Variants in C10orf53 observed in about 807,000 individuals in gnomAD.
C10orf53 encodes the protein chromosome 10 open reading frame 53.
In C10orf53, 8 loss-of-function variants were observed where a neutral mutation model predicts 9.4. The observed-to-expected ratio is 0.85, with a 90% confidence interval of 0.50 to 1.53. The LOEUF is 1.53. Ranked by LOEUF, C10orf53 falls within the 40% of genes most tolerant of loss-of-function variation. The pLI is 0.00. For synonymous variants in C10orf53, 48 were observed against 46.0 expected (o/e 1.04, Z -0.18); for missense variants, 117 against 117.8 (o/e 0.99, Z 0.03).
rs1271051342 is a variant in C10orf53, at chr10:49,679,682, C to A, written c.-16C>A. Reference sequence around the variant, plus strand: ...GTGTGTTTCTCCCTTGCCTCTGCGGCGGCGGAGGCCTGGCGATGCCCAAGA... The same window carrying A: ...GTGTGTTTCTCCCTTGCCTCTGCGGAGGCGGAGGCCTGGCGATGCCCAAGA... On this transcript the variant is annotated 5_prime_UTR_variant, in exon 1 of 3. Transcript: ENST00000374111. 1.3e-6 allele frequency: 2 copies of A among 1,544,376 alleles called. No homozygotes were observed. Among genetic ancestry groups the A allele is most frequent in the Non-Finnish European group, 1.7e-6 (2 of 1,144,342 alleles).
chr10:49,681,943 T>C (rs1171364782), intron 1 of C10orf53, among the ~76,000 whole-genome samples: 1 of 152,204 alleles, frequency 6.6e-6, no homozygotes, highest in Non-Finnish European at 1.5e-5. Context: ...CAGTGTTGCA[T>C]GGTGATGTTT....
downstream of C10orf53, among the ~76,000 whole-genome samples, chr10:49,701,663 C>A: frequency 6.6e-6 from 1 of 152,194 alleles, no homozygotes; most frequent in East Asian, 1.9e-4. Context: ...CAAACTCTTG[C>A]TCAGCCTTCA....
chr10:49,682,302 G>C (rs138843449), intron 1 of C10orf53, among the ~76,000 whole-genome samples: 1 of 152,038 alleles, frequency 6.6e-6, no homozygotes, highest in Non-Finnish European at 1.5e-5. Flanking sequence ...TCATGGTCTC[G>C]CTGACTTCAA....
chr10:49,708,766 G>T, exon 3 of C10orf53: 1 of 1,120,244 alleles, frequency 8.9e-7, no homozygotes, highest in Non-Finnish European at 1.3e-6. Context: ...ATGTCCCACA[G>T]GCAACCTGTG....
chr10:49,703,852 T>G (rs1840704248), intron 2 of C10orf53, among the ~76,000 whole-genome samples: 1 of 152,234 alleles, frequency 6.6e-6, no homozygotes, highest in Non-Finnish European at 1.5e-5. Context: ...TTATAAAGTT[T>G]ATATTGAAAT....
chr10:49,684,353 T>A (rs893260422), intron 1 of C10orf53, among the ~76,000 whole-genome samples: 3 of 152,222 alleles, frequency 2.0e-5, no homozygotes, highest in Non-Finnish European at 4.4e-5. Flanking sequence ...CCCTTGCAGT[T>A]CCCTATGAAT....
In C10orf53 at chr10:49,696,347, G is replaced by A. The variant is rs1840634809; in HGVS notation, c.*1745G>A. Among the ~76,000 whole-genome samples the A allele has an allele frequency of 6.6e-6, 1 of 152,096 alleles. No individual in the cohort carries two copies. Among genetic ancestry groups the A allele is most frequent in the Non-Finnish European group, 1.5e-5 (1 of 68,030 alleles). On this transcript the variant is annotated 3_prime_UTR_variant, in exon 3 of 3. Coordinates refer to ENST00000374111, the MANE Select transcript of C10orf53 (RefSeq NM_001042427.3). ...CTTTCATGGCCAAAACTTTTTCAAT[G>A]CTGAGAACTGAAATTGCTAGCTTCC...
intron 1 of C10orf53, among the ~76,000 whole-genome samples, chr10:49,683,325 G>T (rs1840497476): frequency 6.6e-6 from 1 of 152,152 alleles, no homozygotes; most frequent in South Asian, 2.1e-4. Context: ...GTATGTCTAT[G>T]GAGAAATGTC....
At chr10:49,692,926 C>G (rs1153795) in intron 1 of C10orf53, among the ~76,000 whole-genome samples, 150,368 of 152,362 alleles carry the variant, frequency 0.99, 74,241 homozygotes, top group Middle Eastern at 1. Context: ...GATTATTATA[C>G]GCAATCTGGA....
downstream of C10orf53, among the ~76,000 whole-genome samples, chr10:49,699,927 G>T (rs573780500): frequency 3.6e-4 from 55 of 152,146 alleles, no homozygotes; most frequent in South Asian, 1.0e-3. Flanking sequence ...GAGGGGAAGA[G>T]CCTCCAGGCA....
At chr10:49,702,376 T>C (rs909172216), downstream of C10orf53, among the ~76,000 whole-genome samples, 3 of 152,150 alleles carry the variant, frequency 2.0e-5, no homozygotes, top group Non-Finnish European at 4.4e-5. Flanking sequence ...TGAGGATATT[T>C]CTGGCTGAGA....
At chr10:49,684,863 A>G (rs1590639066) in intron 1 of C10orf53, among the ~76,000 whole-genome samples, 1 of 152,150 alleles carries the variant, frequency 6.6e-6, no homozygotes, top group Non-Finnish European at 1.5e-5. Flanking sequence ...TGCCTAATTT[A>G]TCTGGCTGGT....
Position 49,694,576 on chromosome 10 carries a change from A to G in C10orf53, c.256A>G (p.Arg86Gly), listed in dbSNP as rs1042508398. 1.2e-6 allele frequency: 2 copies of G among 1,614,144 alleles called. No individual in the cohort carries two copies. Among genetic ancestry groups the G allele is most frequent in the Non-Finnish European group, 8.5e-7 (1 of 1,180,038 alleles). Residue 86 changes from arginine (R) to glycine (G), a missense_variant, in exon 3 of 3, where the codon AGG becomes GGG. Physicochemically the swap from Arg to Gly is moderately radical, Grantham distance 125 (BLOSUM62 -2). Coordinates refer to ENST00000374111, the MANE Select transcript of C10orf53 (RefSeq NM_001042427.3). ...ACTAGACCCACTGTGTGAAAAGGCC[A>G]GGATAGCCGTGCTGAATGCCTACTG... Reference protein sequence around the residue: ...GKLDPLCEKARIAVLNAY With the variant: ...GKLDPLCEKAGIAVLNAY
At chr10:49,684,655 A>G (rs1247407611) in intron 1 of C10orf53, among the ~76,000 whole-genome samples, 1 of 152,226 alleles carries the variant, frequency 6.6e-6, no homozygotes, top group Non-Finnish European at 1.5e-5. Flanking sequence ...TTTCAGATCA[A>G]TCATTGCTAG....
At chr10:49,708,409 TGAC>T in exon 3 of C10orf53, 2 of 1,614,204 alleles carry the variant, frequency 1.2e-6, no homozygotes, top group Non-Finnish European at 1.7e-6. Context: ...AGCTCCAGGC[TGAC>T]ATTTCACCAG....
rs1840626322 is a variant in C10orf53 at position 49,695,461 on chromosome 10, TAAG to T, written c.*863_*865del. The T allele has an allele frequency of 6.6e-6, 1 of 152,232 alleles. No homozygotes were observed. The highest frequency in any genetic ancestry group is 1.5e-5 in the Non-Finnish European group (1 of 68,070). The allele number at this position is 152,232 out of a possible 1,614,324, so 9.4% of individuals were successfully genotyped here. A position where few individuals can be genotyped will look rare whatever the true frequency, so the allele number is the denominator to read the frequency against. ...AATGACGTCAAATGGGAGGTCATGGTAAGAAGGCCTCACACCTACGGGGAGAAA... is the reference window on the plus strand; with the variant it reads ...AATGACGTCAAATGGGAGGTCATGGTAAGGCCTCACACCTACGGGGAGAAA... On this transcript the variant is annotated 3_prime_UTR_variant, in exon 3 of 3. Coordinates refer to ENST00000374111, the MANE Select transcript of C10orf53 (RefSeq NM_001042427.3).
At chr10:49,708,488 G>A in exon 3 of C10orf53, 1 of 1,614,144 alleles carries the variant, frequency 6.2e-7, no homozygotes, top group East Asian at 2.2e-5. Context: ...CCCAGGACCT[G>A]ACTTGTACTG....
intron 1 of C10orf53, among the ~76,000 whole-genome samples, chr10:49,689,855 T>A (rs1153790): frequency 0.95 from 145,192 of 152,190 alleles, 69,549 homozygotes; most frequent in Middle Eastern, 1. Flanking sequence ...AAAGTTTTTT[T>A]AAAAAAGTAT....
intron 1 of C10orf53, among the ~76,000 whole-genome samples, chr10:49,690,368 G>A (rs187874658): frequency 7.2e-5 from 11 of 152,282 alleles, no homozygotes; most frequent in South Asian, 6.2e-4. Flanking sequence ...AGCACTCACC[G>A]CACAGCAGGC....
Sources: gnomAD v4.1 joint callset for allele counts (sites outside exome capture counted in the v4.1 genomes callset) on GRCh38, gnomAD v4.1.1 for gene constraint, MANE v1.5 for transcripts, NCBI Gene and HGNC (gene_info 2026-07-23, HGNC 2026-07-21) for gene names.